The following IQGAP2 variants were observed in gnomAD, a reference collection of about 807,000 sequenced individuals.
IQGAP2 encodes the protein ras GTPase-activating-like protein IQGAP2.
A neutral mutation model predicts 201.3 loss-of-function variants in IQGAP2; 173 were observed. The observed-to-expected ratio is 0.86, with a 90% CI of 0.76 to 0.98. IQGAP2 has a LOEUF of 0.98. Among genes scored for constraint, IQGAP2 ranks in the 50% least tolerant of loss-of-function variants. The pLI, the probability that IQGAP2 is intolerant of heterozygous loss-of-function variation, is 0.00. For missense variants in IQGAP2, 1,687 were observed against 1,864.8 expected, an observed-to-expected ratio of 0.90 and a Z score of 1.76; for synonymous variants, 675 against 673.9, an observed-to-expected ratio of 1.00 and a Z score of -0.03.
intron 28 of IQGAP2, among the ~76,000 whole-genome samples, chr5:76,682,145 G>A (rs1484265635): frequency 6.6e-6 from 1 of 152,156 alleles, no homozygotes; most frequent in Non-Finnish European, 1.5e-5. Flanking sequence ...GGTAATGGCT[G>A]CACAGCTCTG....
intron 5 of IQGAP2, among the ~76,000 whole-genome samples, chr5:76,584,152 G>A (rs1350304468): frequency 6.6e-6 from 1 of 152,048 alleles, no homozygotes; most frequent in East Asian, 1.9e-4. Flanking sequence ...GATTACAGAC[G>A]TGAGCCACTG....
chr5:76,707,454 A>G lies in IQGAP2; in HGVS notation c.*141A>G, dbSNP rs1748006027. On this transcript the variant is annotated 3_prime_UTR_variant, in exon 36 of 36. Coordinates refer to ENST00000274364, the MANE Select transcript of IQGAP2 (RefSeq NM_006633.5). ...AAAACGACCAAAACTGTTCTGAAGAATGTACCCAGGTGCCTTTTTGCTAAT... is the reference window on the plus strand; with the variant it reads ...AAAACGACCAAAACTGTTCTGAAGAGTGTACCCAGGTGCCTTTTTGCTAAT... 1.6e-6 allele frequency: 1 copy of G among 627,080 alleles called. No individual in the cohort carries two copies. The highest frequency in any genetic ancestry group is 1.9e-5 in the African/African-American group (1 of 54,048). The allele number at this position is 627,080 out of a possible 1,614,324, so 38.8% of individuals were successfully genotyped here.
At chr5:76,445,533 C>G (rs142540503) in intron 1 of IQGAP2, among the ~76,000 whole-genome samples, 1 of 147,810 alleles carries the variant, frequency 6.8e-6, no homozygotes, top group East Asian at 2.0e-4. Context: ...GGTGTGGTCT[C>G]GGCTCCCTGC....
intron 5 of IQGAP2, among the ~76,000 whole-genome samples, chr5:76,584,028 G>A (rs372147776): frequency 8.2e-4 from 124 of 151,946 alleles, no homozygotes; most frequent in East Asian, 3.1e-3. Context: ...GTGTGCCACC[G>A]TGCCCAGATA....
At chr5:76,506,090 G>A (rs1757593299) in intron 2 of IQGAP2, among the ~76,000 whole-genome samples, 1 of 152,236 alleles carries the variant, frequency 6.6e-6, no homozygotes, top group Admixed American at 6.5e-5. Flanking sequence ...AGAATGGGCA[G>A]ATGAACTAGT....
At chr5:76,685,690 C>A (rs1324717352) in intron 30 of IQGAP2, among the ~76,000 whole-genome samples, 1 of 124,496 alleles carries the variant, frequency 8.0e-6, no homozygotes, top group Non-Finnish European at 1.8e-5. Flanking sequence ...GTGTGGCTCT[C>A]CCCCGTCCCC....
rs755123672 is a variant in IQGAP2, at chr5:76,640,976, T to C, written c.1967T>C (p.Ile656Thr). The change falls in exon 17 of 36, where the codon ATA (isoleucine) becomes ACA (threonine). Residue 656 changes from isoleucine (I) to threonine (T), a missense_variant. Physicochemically the swap from Ile to Thr is moderately conservative, Grantham distance 89. Transcript: ENST00000274364. ...ACAGTAGGTTACATTCGTGAGAATA[T>C]ATGGTCTGCTTCAGAAGAGTTGCTT... Reference protein sequence around the residue: ...EVTVGYIRENIWSASEELLLR... With the variant: ...EVTVGYIRENTWSASEELLLR... 2 of 1,606,716 alleles carry C rather than the reference T, an allele frequency of 1.2e-6. No homozygotes were observed. The highest frequency in any genetic ancestry group is 1.1e-5 in the South Asian group (1 of 90,860).
intron 12 of IQGAP2, among the ~76,000 whole-genome samples, chr5:76,609,525 A>T (rs533123988): frequency 6.6e-6 from 1 of 152,284 alleles, no homozygotes; most frequent in African/African-American, 2.4e-5. Context: ...AGTGGTGGTT[A>T]TGGGCTCATC....
intron 2 of IQGAP2, among the ~76,000 whole-genome samples, chr5:76,544,550 C>CTAAG (rs1742978443): frequency 6.6e-6 from 1 of 152,194 alleles, no homozygotes; most frequent in Non-Finnish European, 1.5e-5. Flanking sequence ...ATGGATCTAG[C>CTAAG]TAAGGCACAC....
chr5:76,586,858 AC>A (rs1343274582), intron 5 of IQGAP2, among the ~76,000 whole-genome samples: 1 of 152,200 alleles, frequency 6.6e-6, no homozygotes, highest in Non-Finnish European at 1.5e-5. Context: ...CATTCTTGGT[AC>A]CCCAAGATAC....
At chr5:76,640,886 T>C in intron 16 of IQGAP2, 47 bp from the exon 17 acceptor site, 1 of 1,374,002 alleles carries the variant, frequency 7.3e-7, no homozygotes, top group South Asian at 1.4e-5. Flanking sequence ...TATGTGTGCC[T>C]TTCAGCTGAT....
At chr5:76,651,520 T>C (rs1163638161) in intron 17 of IQGAP2, among the ~76,000 whole-genome samples, 1 of 152,176 alleles carries the variant, frequency 6.6e-6, no homozygotes, top group African/African-American at 2.4e-5. Flanking sequence ...GGAGGATCAG[T>C]TGAGCCCAGG....
intron 28 of IQGAP2, among the ~76,000 whole-genome samples, chr5:76,681,870 C>A (rs1033524601): frequency 3.1e-4 from 47 of 152,170 alleles, no homozygotes; most frequent in African/African-American, 1.1e-3. Context: ...GTGTTATATT[C>A]ATACAATACA....
chr5:76,496,702 C>CTCCTT (rs1554061522), intron 2 of IQGAP2, among the ~76,000 whole-genome samples: 16 of 81,060 alleles, frequency 2.0e-4, no homozygotes, highest in South Asian at 3.6e-4. Flanking sequence ...TTCTTTCTGT[C>CTCCTT]TCTTTCTTTC....
intron 1 of IQGAP2, among the ~76,000 whole-genome samples, chr5:76,425,593 G>T (rs1751950026): frequency 6.6e-6 from 1 of 152,050 alleles, no homozygotes; most frequent in South Asian, 2.1e-4. Flanking sequence ...TTCCTGTTCT[G>T]TAGTCTTCAT....
At chr5:76,675,769 T>G (rs1580792263) in intron 27 of IQGAP2, among the ~76,000 whole-genome samples, 2 of 152,340 alleles carry the variant, frequency 1.3e-5, no homozygotes, top group Middle Eastern at 6.8e-3. Context: ...TATTCATTTC[T>G]ATTTAGAATT....
chr5:76,617,018 A>G (rs961536), intron 13 of IQGAP2: 65,679 of 152,526 alleles, frequency 0.43, 15,083 homozygotes, highest in Non-Finnish European at 0.53. Flanking sequence ...AATACCACTC[A>G]CAGAAATAGG....
intron 13 of IQGAP2, among the ~76,000 whole-genome samples, chr5:76,626,308 C>G (rs1316215977): frequency 1.8e-5 from 2 of 109,050 alleles, no homozygotes; most frequent in Non-Finnish European, 3.4e-5. Flanking sequence ...GAGTCTCACT[C>G]TGTCCCAAGG....
chr5:76,526,131 C>T (rs1271242697), intron 2 of IQGAP2, among the ~76,000 whole-genome samples: 1 of 152,176 alleles, frequency 6.6e-6, no homozygotes, highest in Non-Finnish European at 1.5e-5. Context: ...GGCTGTACCA[C>T]CTTAGGCAAG....
Sources: gnomAD v4.1 joint callset for allele counts (sites outside exome capture counted in the v4.1 genomes callset) on GRCh38, gnomAD v4.1.1 for gene constraint, MANE v1.5 for transcripts, NCBI Gene and HGNC (gene_info 2026-07-23, HGNC 2026-07-21) for gene names.